The following ANAPC1 variants were observed in gnomAD, a reference collection of about 807,000 sequenced individuals.
The protein encoded by ANAPC1 is anaphase-promoting complex subunit 1.
A neutral mutation model predicts 208.0 loss-of-function variants in ANAPC1; 36 were observed. That is an observed-to-expected ratio of 0.17 (90% CI 0.13 to 0.23). ANAPC1 has a LOEUF of 0.23. ANAPC1 is among the 10% of genes least tolerant of loss of function. ANAPC1 has a pLI of 1.00. For missense variants in ANAPC1, 942 were observed against 2,011.6 expected (o/e 0.47, Z 10.17); for synonymous variants, 378 against 695.2 (o/e 0.54, Z 7.18).
rs746065457 is a variant in ANAPC1 at position 111,843,550 on chromosome 2, T to C, written c.1902A>G (p.Ala634=). The C allele has an allele frequency of 1.9e-6, 3 of 1,611,826 alleles. No individual in the cohort carries two copies. Among genetic ancestry groups the C allele is most frequent in the Non-Finnish European group, 1.7e-6 (2 of 1,179,830 alleles). The part of the protein sequence containing the change: ...AIKFILPKEI[A]VQMLVKWYNV... ...TGTACCACTTGACAAGCATCTGAAC[T>C]GCTATTTCTTTTGGCAGGATAAACT... The change falls in exon 17 of 48, where the codon GCA becomes GCG. Residue 634 remains alanine (A), a synonymous_variant. Transcript: ENST00000341068.
At chr2:111,828,203 G>A (rs1558697556) in intron 21 of ANAPC1, among the ~76,000 whole-genome samples, 1 of 151,922 alleles carries the variant, frequency 6.6e-6, no homozygotes, top group Non-Finnish European at 1.5e-5. Context: ...AAATTAAGGA[G>A]GCAAATCAAA....
intron 34 of ANAPC1, among the ~76,000 whole-genome samples, chr2:111,799,256 T>TTACG (rs1349476171): frequency 6.6e-6 from 1 of 151,860 alleles, no homozygotes; most frequent in African/African-American, 2.4e-5. Flanking sequence ...TCAGATATCA[T>TTACG]TACGTATTCA....
At chr2:111,784,158 TAAGAA>T (rs1677431739) in intron 41 of ANAPC1, among the ~76,000 whole-genome samples, 160 bp downstream of exon 41, 1 of 152,202 alleles carries the variant, frequency 6.6e-6, no homozygotes, top group South Asian at 2.1e-4. Context: ...TAAAGATCTC[TAAGAA>T]AAGACTTGCT....
intron 6 of ANAPC1, among the ~76,000 whole-genome samples, chr2:111,868,879 G>A (rs138868354): frequency 5.3e-5 from 8 of 152,122 alleles, no homozygotes; most frequent in Non-Finnish European, 4.4e-5. Flanking sequence ...AGCGAAGACG[G>A]GCTTTCTTTC....
chr2:111,862,704 A>G, intron 9 of ANAPC1, 106 bp from the exon 10 acceptor site: 1 of 1,457,178 alleles, frequency 6.9e-7, no homozygotes, highest in South Asian at 1.4e-5. Flanking sequence ...AAGAGCATTC[A>G]TGGCATAATC....
At chr2:111,791,460 A>T (rs1197278899) in intron 38 of ANAPC1, among the ~76,000 whole-genome samples, 1 of 151,342 alleles carries the variant, frequency 6.6e-6, no homozygotes, top group Non-Finnish European at 1.5e-5. Context: ...AGACATGTAC[A>T]ACTTTCCCTA....
intron 7 of ANAPC1, chr2:111,866,131 A>C: frequency 4.9e-6 from 1 of 205,424 alleles, no homozygotes; most frequent in Non-Finnish European, 9.9e-6. Flanking sequence ...GTGAACCTGG[A>C]AGGTGGAGCT....
chr2:111,810,875 T>G, intron 28 of ANAPC1, among the ~76,000 whole-genome samples: 1 of 76,150 alleles, frequency 1.3e-5, no homozygotes, highest in South Asian at 4.7e-4. Context: ...AGGGTGAGAC[T>G]CCACATCAAA....
At chr2:111,840,639 A>G (rs1402935631) in intron 17 of ANAPC1, among the ~76,000 whole-genome samples, 1 of 152,208 alleles carries the variant, frequency 6.6e-6, no homozygotes, top group Non-Finnish European at 1.5e-5. Flanking sequence ...CAGAAAGCTG[A>G]CGCGTTTTTT....
At chr2:111,859,113 C>G (rs1314597211) in intron 10 of ANAPC1, among the ~76,000 whole-genome samples, 1 of 152,172 alleles carries the variant, frequency 6.6e-6, no homozygotes. Context: ...TATCTACCCC[C>G]TCTCCTTCTC....
At chr2:111,867,102 C>T (rs1232981637) in intron 7 of ANAPC1, among the ~76,000 whole-genome samples, 1 of 151,760 alleles carries the variant, frequency 6.6e-6, no homozygotes, top group Non-Finnish European at 1.5e-5. Context: ...ACCAGCCTGA[C>T]CAACATGGTG....
intron 3 of ANAPC1, among the ~76,000 whole-genome samples, chr2:111,875,687 GCA>G (rs1465178694): frequency 6.6e-6 from 1 of 152,232 alleles, no homozygotes; most frequent in East Asian, 1.9e-4. Flanking sequence ...GCTCCCTTCA[GCA>G]CACAGTTTAA....
rs1162432152 is a variant in ANAPC1 at position 111,873,604 on chromosome 2, G to C, written c.427+9C>G. On this transcript the variant is annotated intron_variant, in intron 4 of 47. Coordinates refer to ENST00000341068, the MANE Select transcript of ANAPC1 (RefSeq NM_022662.4). Reference sequence around the variant, plus strand: ...CATAAGAAAAATAAAATTTCAAAAAGAAACTTACTGTAGGCCTTTTCAGAC... The same window carrying C: ...CATAAGAAAAATAAAATTTCAAAAACAAACTTACTGTAGGCCTTTTCAGAC... 1.3e-5 allele frequency: 21 copies of C among 1,560,782 alleles called. No homozygotes were observed. The highest frequency in any genetic ancestry group is 1.8e-5 in the Non-Finnish European group (21 of 1,163,020).
rs762289215 is a variant in ANAPC1 at position 111,862,469 on chromosome 2, G to C, written c.1182C>G (p.Ser394=). 1 of 1,611,610 alleles carries C rather than the reference G, an allele frequency of 6.2e-7. No homozygotes were observed. The highest frequency in any genetic ancestry group is 2.2e-5 in the East Asian group (1 of 44,862). Residue 394 remains serine, a synonymous_variant, in exon 10 of 48, where the codon TCC becomes TCG. Transcript: ENST00000341068. The part of the protein sequence containing the change: ...SHSPNSNSNG[S]FLAPETEPIV... Reference sequence around the variant, plus strand: ...TTGGCTCCGTTTCTGGTGCAAGAAAGGAGCCATTAGAATTACTATTTGGAG... The same window carrying C: ...TTGGCTCCGTTTCTGGTGCAAGAAACGAGCCATTAGAATTACTATTTGGAG...
intron 13 of ANAPC1, chr2:111,856,338 TAA>T (rs11361199): frequency 0.044 from 10,583 of 240,598 alleles, 1 homozygote; most frequent in South Asian, 0.08. Context: ...ACTTTAACTT[TAA>T]AAAAAAAAAA....
chr2:111,784,253 C>G, intron 41 of ANAPC1, 70 bp downstream of exon 41: 1 of 1,613,598 alleles, frequency 6.2e-7, no homozygotes, highest in African/African-American at 1.3e-5. Context: ...TTTTATTTAG[C>G]TATCTTTAAC....
At chr2:111,824,058 T>C (rs1379447647) in intron 24 of ANAPC1, among the ~76,000 whole-genome samples, 2 of 151,032 alleles carry the variant, frequency 1.3e-5, no homozygotes, top group African/African-American at 4.8e-5. Flanking sequence ...CATAATACTA[T>C]GCATTATTTA....
intron 1 of ANAPC1, among the ~76,000 whole-genome samples, chr2:111,882,990 AC>A (rs1289890672): frequency 6.6e-6 from 1 of 151,244 alleles, no homozygotes; most frequent in Non-Finnish European, 1.5e-5. Context: ...AGATGGTGAA[AC>A]CCCATCTCTA....
chr2:111,853,741 G>C (rs1012236731), intron 13 of ANAPC1, among the ~76,000 whole-genome samples: 1 of 151,536 alleles, frequency 6.6e-6, no homozygotes, highest in African/African-American at 2.4e-5. Flanking sequence ...TTTTGAGATG[G>C]AGTCTCCCTC....
Sources: allele counts gnomAD v4.1 joint callset (sites outside exome capture counted in the v4.1 genomes callset), GRCh38; gene constraint gnomAD v4.1.1; transcripts MANE v1.5; gene names NCBI Gene and HGNC (gene_info 2026-07-23, HGNC 2026-07-21).